Variants in LRRC40 observed in about 807,000 individuals in gnomAD.
LRRC40 encodes leucine-rich repeat-containing protein 40.
Under a neutral mutation model 72.8 loss-of-function variants are expected in LRRC40, and 76 were observed. The ratio of observed to expected loss-of-function variants is 1.04; its 90% CI spans 0.87 to 1.26. LRRC40 has a LOEUF of 1.26. Among genes scored for constraint, LRRC40 ranks in the 50% most tolerant of loss-of-function variants. The pLI is 0.00. For missense variants in LRRC40, 684 were observed against 698.9 expected, an observed-to-expected ratio of 0.98 and a Z score of 0.24; for synonymous variants, 243 against 254.2, an observed-to-expected ratio of 0.96 and a Z score of 0.42.
rs1468780543 is a variant in LRRC40 at position 70,148,524 on chromosome 1, G to A, written c.1666C>T (p.Gln556Ter). The change falls in exon 14 of 15, where the codon CAA (glutamine) becomes TAA (stop). Residue 556 changes from glutamine (Q) to a stop codon, truncating the protein, a stop_gained. Transcript: ENST00000370952. LOFTEE classifies it high-confidence loss of function. ...TLDLQNNDLL[Q>*]IPPELGNCVN... ...CAATTACCGAGCTCTGGTGGAATTT[G>A]TAAGAGGTCATTATTTTGAAGGTCC... 6.2e-7 allele frequency: 1 copy of A among 1,613,388 alleles called. No homozygotes were observed. Among genetic ancestry groups the A allele is most frequent in the East Asian group, 2.2e-5 (1 of 44,790 alleles).
At chr1:70,158,296 T>C (rs371639411) in intron 10 of LRRC40, among the ~76,000 whole-genome samples, 8 of 152,098 alleles carry the variant, frequency 5.3e-5, no homozygotes, top group East Asian at 3.9e-4. Context: ...GGAGACTGTA[T>C]CCTGACTGCT....
chr1:70,181,063 T>C, intron 5 of LRRC40, 23 bp downstream of exon 5: 2 of 1,434,612 alleles, frequency 1.4e-6, no homozygotes, highest in Middle Eastern at 3.8e-4. Flanking sequence ...ATTTATGTAT[T>C]ATGTAAAACA....
intron 9 of LRRC40, among the ~76,000 whole-genome samples, chr1:70,161,216 C>G (rs1165077267): frequency 6.6e-6 from 1 of 151,550 alleles, no homozygotes; most frequent in East Asian, 2.0e-4. Flanking sequence ...TCCCGAGTAG[C>G]TGGGGCTACT....
At position 70,187,306 on chromosome 1, in the gene LRRC40, AGAAG is replaced by A; in HGVS notation, c.362_365del (p.Pro121LeufsTer3). 2 of 1,588,382 alleles carry A rather than the reference AGAAG, an allele frequency of 1.3e-6. No individual in the cohort carries two copies. The highest frequency in any genetic ancestry group is 1.7e-6 in the Non-Finnish European group (2 of 1,160,168). On this transcript the variant is annotated frameshift_variant, in exon 3 of 15. Transcript: ENST00000370952. LOFTEE classifies it high-confidence loss of function. ...GAAGATTTTCTAGCTCTCTTATAGC[AGAAG>A]GAAGGGATGTCAACTGATTATCATG...
rs752739653 is a variant in LRRC40, at chr1:70,205,536, G to C, written c.5C>G (p.Ser2Trp). The C allele has an allele frequency of 7.5e-6, 12 of 1,594,344 alleles. No individual in the cohort carries two copies. Among genetic ancestry groups the C allele is most frequent in the Non-Finnish European group, 1.0e-5 (12 of 1,165,234 alleles). MSRLKRIAGQDL... is the reference protein window; with the variant it reads MWRLKRIAGQDL... ...CTGCCCCGCTATCCGCTTCAGGCGCGACATGTTCAAAGTCCTAGGTCCAGA... is the reference window on the plus strand; with the variant it reads ...CTGCCCCGCTATCCGCTTCAGGCGCCACATGTTCAAAGTCCTAGGTCCAGA... Residue 2 changes from serine (S) to tryptophan (W), a missense_variant, in exon 1 of 15, where the codon TCG becomes TGG. Coordinates refer to ENST00000370952, the MANE Select transcript of LRRC40 (RefSeq NM_017768.5).
rs1239918238 is a variant in LRRC40 at position 70,148,672 on chromosome 1, C to A, written c.1518G>T (p.Arg506Ser). ...ATAGAACTTCAGGTAGCATTTTAAA[C>A]CTATTAATACATGAACAGAACACCT... Reference protein sequence around the residue: ...RLQTINLSFNRFKMLPEVLYR... With the variant: ...RLQTINLSFNSFKMLPEVLYR... Residue 506 changes from arginine to serine, a missense_variant and splice_region_variant, in exon 14 of 15, where the codon AGG becomes AGT. By Grantham distance (110) the Arg-to-Ser change is moderately radical. Coordinates refer to ENST00000370952, the MANE Select transcript of LRRC40 (RefSeq NM_017768.5). 3 of 1,589,470 alleles carry A rather than the reference C, an allele frequency of 1.9e-6. No individual in the cohort carries two copies. The highest frequency in any genetic ancestry group is 1.7e-6 in the Non-Finnish European group (2 of 1,160,786).
At chr1:70,186,811 G>A (rs748210892) in intron 3 of LRRC40, among the ~76,000 whole-genome samples, 46 of 152,070 alleles carry the variant, frequency 3.0e-4, no homozygotes, top group Non-Finnish European at 6.2e-4. Flanking sequence ...AAATATATCC[G>A]TAGAATCCCA....
chr1:70,151,130 A>C lies in LRRC40; in HGVS notation c.1515T>G (p.Asn505Lys). The C allele has an allele frequency of 6.6e-7, 1 of 1,507,522 alleles. No individual in the cohort carries two copies. The highest frequency in any genetic ancestry group is 9.2e-7 in the Non-Finnish European group (1 of 1,085,686). 93.4% of individuals were successfully genotyped at this position (1,507,522 alleles called of 1,614,324 possible). A position where few individuals can be genotyped will look rare whatever the true frequency, so the allele number is the denominator to read the frequency against. The change falls in exon 13 of 15, where the codon AAT (asparagine) becomes AAG (lysine). Residue 505 changes from asparagine (N) to lysine (K), a missense_variant and splice_region_variant. Coordinates refer to ENST00000370952, the MANE Select transcript of LRRC40 (RefSeq NM_017768.5). ...VRLQTINLSF[N>K]RFKMLPEVLY... The stretch of plus-strand genomic sequence containing the variant: ...ATTAGAATTGTCTGTTCTCTTACCT[A>C]TTAAAGGAAAGATTGATCGTTTGCA...
chr1:70,167,785 T>G (rs1385799542), intron 9 of LRRC40, among the ~76,000 whole-genome samples: 1 of 151,904 alleles, frequency 6.6e-6, no homozygotes, highest in Non-Finnish European at 1.5e-5. Flanking sequence ...CGGCTAATTT[T>G]TGTGTTTTTA....
intron 1 of LRRC40, among the ~76,000 whole-genome samples, chr1:70,191,622 G>A (rs929648002): frequency 6.6e-6 from 1 of 151,852 alleles, no homozygotes; most frequent in Non-Finnish European, 1.5e-5. Context: ...CATTTTTGAG[G>A]TATCCCAATT....
intron 12 of LRRC40, chr1:70,151,850 G>A (rs957872996): frequency 3.9e-5 from 6 of 152,024 alleles, no homozygotes; most frequent in African/African-American, 1.4e-4. Flanking sequence ...AAGGATTTTA[G>A]GAGCCAATAT....
intron 9 of LRRC40, among the ~76,000 whole-genome samples, chr1:70,164,101 T>A (rs1667825814): frequency 6.6e-6 from 1 of 151,984 alleles, no homozygotes; most frequent in Admixed American, 6.5e-5. Context: ...AGAGTGCCAA[T>A]CCGGCCAGGT....
At chr1:70,167,204 C>T (rs1188274981) in intron 9 of LRRC40, among the ~76,000 whole-genome samples, 1 of 149,676 alleles carries the variant, frequency 6.7e-6, no homozygotes, top group Non-Finnish European at 1.5e-5. Context: ...TTAATCTGCT[C>T]CGCAGAAAAG....
chr1:70,167,106 C>T (rs1667897620), intron 9 of LRRC40, among the ~76,000 whole-genome samples: 1 of 151,808 alleles, frequency 6.6e-6, no homozygotes, highest in Non-Finnish European at 1.5e-5. Flanking sequence ...TAGTTTTGCC[C>T]AATTTTTGTT....
At chr1:70,156,438 C>A (rs1245720131) in intron 10 of LRRC40, among the ~76,000 whole-genome samples, 2 of 152,064 alleles carry the variant, frequency 1.3e-5, no homozygotes, top group East Asian at 1.9e-4. Flanking sequence ...AATCTCAGTT[C>A]TGTGACATTA....
intron 3 of LRRC40, among the ~76,000 whole-genome samples, chr1:70,186,143 G>C (rs1363041990): frequency 6.6e-6 from 1 of 152,134 alleles, no homozygotes; most frequent in Admixed American, 6.6e-5. Flanking sequence ...TCTAACTGGG[G>C]AGAGAGATAA....
At chr1:70,174,602 C>T (rs998778681) in intron 7 of LRRC40, among the ~76,000 whole-genome samples, 1 of 152,014 alleles carries the variant, frequency 6.6e-6, no homozygotes, top group South Asian at 2.1e-4. Context: ...TAACACTCAG[C>T]AATAAAAATA....
intron 1 of LRRC40, among the ~76,000 whole-genome samples, chr1:70,201,672 T>C (rs943785767): frequency 7.2e-5 from 11 of 152,148 alleles, no homozygotes; most frequent in Admixed American, 7.2e-4. Flanking sequence ...AAGTTAAAAC[T>C]ATAAGATAAC....
chr1:70,149,289 A>T (rs986872751), intron 13 of LRRC40, among the ~76,000 whole-genome samples: 9 of 152,226 alleles, frequency 5.9e-5, no homozygotes, highest in Admixed American at 1.3e-4. Context: ...GGTGAACTGC[A>T]GCCTTGACTA....
Sources: allele counts gnomAD v4.1 joint callset (sites outside exome capture counted in the v4.1 genomes callset), GRCh38; gene constraint gnomAD v4.1.1; transcripts MANE v1.5; gene names NCBI Gene and HGNC (gene_info 2026-07-23, HGNC 2026-07-21).